ANK3: variants seen among roughly 807,000 people sequenced by gnomAD.
ANK3 encodes ankyrin 3.
A neutral mutation model predicts 370.9 loss-of-function variants in ANK3; 57 were observed. The observed-to-expected ratio is 0.15, with a 90% CI of 0.12 to 0.19. The LOEUF is 0.19. Ranked by LOEUF, ANK3 falls within the 10% of genes least tolerant of loss-of-function variation. The pLI is 1.00. For missense variants in ANK3, 4,439 were observed against 5,302.1 expected (o/e 0.84, Z 5.06); for synonymous variants, 1,929 against 1,946.3 (o/e 0.99, Z 0.23).
intron 20 of ANK3, 65 bp downstream of exon 20, chr10:60,172,835 A>G (rs1179672556): frequency 2.0e-6 from 2 of 1,008,574 alleles, no homozygotes; most frequent in African/African-American, 1.6e-5. Flanking sequence ...AAAACGTAAG[A>G]AGACACCAGA....
chr10:60,425,106 TAG>T (rs2063855174), intron 2 of ANK3, among the ~76,000 whole-genome samples: 1 of 151,882 alleles, frequency 6.6e-6, no homozygotes, highest in South Asian at 2.1e-4. Flanking sequence ...CATTTCAGGG[TAG>T]AGAGTGACAA....
intron 42 of ANK3, chr10:60,043,135 T>C: frequency 1.0e-6 from 1 of 1,000,114 alleles, no homozygotes; most frequent in Non-Finnish European, 1.2e-6. Context: ...AGTTAAGTAC[T>C]AATCCATGGA....
At chr10:60,110,049 A>C (rs766681166) in intron 26 of ANK3, among the ~76,000 whole-genome samples, 9 of 152,192 alleles carry the variant, frequency 5.9e-5, no homozygotes, top group Non-Finnish European at 8.8e-5. Flanking sequence ...TACACAGATT[A>C]CTACTAGCAC....
intron 21 of ANK3, among the ~76,000 whole-genome samples, chr10:60,169,879 C>T (rs2095734904): frequency 6.6e-6 from 1 of 152,122 alleles, no homozygotes; most frequent in Non-Finnish European, 1.5e-5. Flanking sequence ...AACATACCCC[C>T]TACCATTGTG....
At chr10:60,304,116 G>T (rs138705464) in intron 1 of ANK3, among the ~76,000 whole-genome samples, 43 of 152,152 alleles carry the variant, frequency 2.8e-4, no homozygotes, top group African/African-American at 9.6e-4. Context: ...AAAATGAGAA[G>T]ATGTTGGTCA....
intron 43 of ANK3, among the ~76,000 whole-genome samples, chr10:60,033,527 A>AAC (rs1463172568): frequency 1.0e-4 from 15 of 148,438 alleles, no homozygotes; most frequent in African/African-American, 3.8e-4. Flanking sequence ...AAAAAAAAAA[A>AAC]AAAAAAAAAA....
At chr10:60,583,805 C>G (rs1270890857) in intron 2 of ANK3, among the ~76,000 whole-genome samples, 2 of 151,970 alleles carry the variant, frequency 1.3e-5, no homozygotes, top group African/African-American at 4.8e-5. Flanking sequence ...AGATTGGTCT[C>G]GAACTCCTGA....
chr10:60,047,053 C>T (rs1328878172), intron 42 of ANK3, among the ~76,000 whole-genome samples: 2 of 152,104 alleles, frequency 1.3e-5, no homozygotes, highest in African/African-American at 4.8e-5. Context: ...GTGATCCACC[C>T]GCCTCGGGCT....
At chr10:60,468,111 A>G (rs541288021) in intron 2 of ANK3, among the ~76,000 whole-genome samples, 13 of 151,760 alleles carry the variant, frequency 8.6e-5, no homozygotes, top group African/African-American at 2.7e-4. Flanking sequence ...CAGCCTCCCA[A>G]GTAGCTGGGA....
At chr10:60,570,047 A>C (rs538279041) in intron 2 of ANK3, among the ~76,000 whole-genome samples, 2 of 152,314 alleles carry the variant, frequency 1.3e-5, no homozygotes, top group East Asian at 3.9e-4. Flanking sequence ...TCAGCAACAA[A>C]ATATTGTATC....
At chr10:60,269,628 G>C (rs2097934017) in intron 5 of ANK3, among the ~76,000 whole-genome samples, 1 of 151,124 alleles carries the variant, frequency 6.6e-6, no homozygotes, top group African/African-American at 2.4e-5. Context: ...CTAGGTGACA[G>C]AGTGAGACTC....
chr10:60,343,400 A>G (rs1470952971), intron 1 of ANK3, among the ~76,000 whole-genome samples: 2 of 152,166 alleles, frequency 1.3e-5, no homozygotes, highest in Non-Finnish European at 2.9e-5. Context: ...GTAAAGACTT[A>G]GGAATTTAAA....
rs144885235 is a variant in ANK3, at chr10:60,299,251, C to T, written c.115-19612G>A. On this transcript the variant is annotated intron_variant, in intron 1 of 43. Transcript: ENST00000280772. ...AAAGGTCACGAAAGGTTAATATTTT[C>T]GCAAAAAATATTCTGTCTTTAAGAG... Among the ~76,000 whole-genome samples, 30 of 152,092 alleles carry T rather than the reference C, an allele frequency of 2.0e-4. No homozygotes were observed. In the East Asian group the frequency reaches 3.5e-3, roughly 18 times the overall value.
intron 8 of ANK3, among the ~76,000 whole-genome samples, chr10:60,215,340 T>G (rs2096920626): frequency 6.6e-6 from 1 of 152,212 alleles, no homozygotes; most frequent in African/African-American, 2.4e-5. Context: ...TTTCTTTTGC[T>G]GTGCAGAAGC....
chr10:60,114,344 A>T lies in ANK3; in HGVS notation c.2842-13T>A, dbSNP rs764045001. ...TGAATGTTAGATGCTGAAAAATAAA[A>T]TGGTAAATTAAATTACATCAACAAA... On this transcript the variant is annotated splice_polypyrimidine_tract_variant and intron_variant, in intron 25 of 43. Transcript: ENST00000280772. 3.4e-6 allele frequency: 5 copies of T among 1,492,082 alleles called. No individual in the cohort carries two copies. Among genetic ancestry groups the T allele is most frequent in the Non-Finnish European group, 4.6e-6 (5 of 1,077,808 alleles). 92.4% of individuals were successfully genotyped at this position (1,492,082 alleles called of 1,614,324 possible).
intron 7 of ANK3, among the ~76,000 whole-genome samples, chr10:60,247,552 C>T (rs1458531134): frequency 6.6e-6 from 1 of 152,156 alleles, no homozygotes; most frequent in East Asian, 1.9e-4. Flanking sequence ...AACCACCATC[C>T]TACTTTTGTC....
intron 2 of ANK3, among the ~76,000 whole-genome samples, chr10:60,418,976 A>G (rs1360669887): frequency 6.6e-6 from 1 of 152,184 alleles, no homozygotes; most frequent in Non-Finnish European, 1.5e-5. Flanking sequence ...TTTACAATAC[A>G]TATTAAAAAA....
At chr10:60,683,220 G>T (rs987884294) in intron 1 of ANK3, among the ~76,000 whole-genome samples, 5 of 152,192 alleles carry the variant, frequency 3.3e-5, no homozygotes, top group African/African-American at 1.2e-4. Context: ...CAGTTAAATT[G>T]TTATCACAAC....
intron 23 of ANK3, among the ~76,000 whole-genome samples, chr10:60,160,225 A>T (rs1277532120): frequency 6.6e-6 from 1 of 152,100 alleles, no homozygotes; most frequent in African/African-American, 2.4e-5. Flanking sequence ...GAGACATTAC[A>T]ACTGATAGTG....
Sources: gnomAD v4.1 joint callset for allele counts (sites outside exome capture counted in the v4.1 genomes callset) on GRCh38, gnomAD v4.1.1 for gene constraint, MANE v1.5 for transcripts, NCBI Gene and HGNC (gene_info 2026-07-23, HGNC 2026-07-21) for gene names.